MYOM1: variants seen among roughly 807,000 people sequenced by gnomAD.
MYOM1 encodes myomesin 1, also known as myomesin-1.
In MYOM1, 164 loss-of-function variants were observed where a neutral mutation model predicts 205.3. The ratio of observed to expected loss-of-function variants is 0.80; its 90% CI spans 0.70 to 0.91. MYOM1 has a LOEUF of 0.91. MYOM1 is among the 40% of genes least tolerant of loss of function. MYOM1 has a pLI of 0.00. For synonymous variants in MYOM1, 772 were observed against 789.4 expected (o/e 0.98, Z 0.37); for missense variants, 2,011 against 2,127.3 (o/e 0.95, Z 1.08).
At chr18:3,127,301 ATATATTTTTTTTT>A (rs2079804366) in intron 18 of MYOM1, among the ~76,000 whole-genome samples, 1 of 47,910 alleles carries the variant, frequency 2.1e-5, no homozygotes, top group African/African-American at 1.0e-4. Context: ...ATATATATAT[ATATATTTTTTTTT>A]TTTTTTTTTT....
intron 9 of MYOM1, among the ~76,000 whole-genome samples, chr18:3,167,038 G>A (rs994972696): frequency 1.1e-4 from 16 of 152,228 alleles, no homozygotes; most frequent in African/African-American, 3.4e-4. Context: ...ATGTATGTAC[G>A]GGCAAATTCA....
chr18:3,113,377 G>A (rs971888525), intron 21 of MYOM1, among the ~76,000 whole-genome samples: 3 of 151,682 alleles, frequency 2.0e-5, no homozygotes, highest in South Asian at 4.2e-4. Context: ...TTGCTCAGGC[G>A]GAGTACAGTG....
In MYOM1 at chr18:3,215,057, C is replaced by G; in HGVS notation, c.167G>C (p.Arg56Pro). The G allele has an allele frequency of 1.9e-6, 3 of 1,613,336 alleles. No homozygotes were observed. Among genetic ancestry groups the G allele is most frequent in the South Asian group, 1.1e-5 (1 of 91,042 alleles). ...CGCCCGACGGAAGGCCTCGGACTCCCGGCGGTGCGCGGCGGAGGAGCGGCT... is the reference window on the plus strand; with the variant it reads ...CGCCCGACGGAAGGCCTCGGACTCCGGGCGGTGCGCGGCGGAGGAGCGGCT... ...YSSRSSAAHR[R>P]ESEAFRRASA... The change falls in exon 2 of 38, where the codon CGG becomes CCG. Residue 56 changes from arginine to proline, a missense_variant. Coordinates refer to ENST00000356443, the MANE Select transcript of MYOM1 (RefSeq NM_003803.4).
chr18:3,159,642 T>C (rs907298269), intron 10 of MYOM1, among the ~76,000 whole-genome samples: 2 of 152,130 alleles, frequency 1.3e-5, no homozygotes, highest in South Asian at 4.1e-4. Flanking sequence ...ATCCATGTAT[T>C]GGAATGCAAT....
At chr18:3,147,165 A>G (rs1450653881) in intron 13 of MYOM1, among the ~76,000 whole-genome samples, 1 of 142,942 alleles carries the variant, frequency 7.0e-6, no homozygotes, top group Non-Finnish European at 1.5e-5. Flanking sequence ...ATAGAAATAT[A>G]TATATATAAA....
At chr18:3,227,261 C>T in the MYOM1 span, among the ~76,000 whole-genome samples, 1 of 151,964 alleles carries the variant, frequency 6.6e-6, no homozygotes, top group East Asian at 1.9e-4. Context: ...AAGGTATATA[C>T]ATACAATGGA....
At chr18:3,194,580 C>T (rs971986068) in intron 2 of MYOM1, among the ~76,000 whole-genome samples, 3 of 152,208 alleles carry the variant, frequency 2.0e-5, no homozygotes, top group African/African-American at 7.2e-5. Flanking sequence ...TACAAATGTG[C>T]ACTTGGAGGC....
intron 37 of MYOM1, among the ~76,000 whole-genome samples, chr18:3,071,059 T>C (rs1482899733): frequency 6.6e-6 from 1 of 151,810 alleles, no homozygotes; most frequent in Non-Finnish European, 1.5e-5. Flanking sequence ...GTGCCCGGCC[T>C]AGGGGCACAT....
chr18:3,234,357 G>T, the MYOM1 span, among the ~76,000 whole-genome samples: 2 of 152,264 alleles, frequency 1.3e-5, no homozygotes, highest in South Asian at 4.1e-4. Flanking sequence ...CACCGTACTA[G>T]GATGTTAAGC....
chr18:3,246,365 G>T, the MYOM1 span: 1 of 152,234 alleles, frequency 6.6e-6, no homozygotes, highest in African/African-American at 2.4e-5. Context: ...TACATGGATG[G>T]CTTCCCAGGA....
At chr18:3,239,846 G>C in the MYOM1 span, among the ~76,000 whole-genome samples, 1 of 150,300 alleles carries the variant, frequency 6.7e-6, no homozygotes, top group Admixed American at 6.6e-5. Context: ...GGGCCCACTT[G>C]AAGTCTGTGG....
chr18:3,212,244 T>C (rs1407720758), intron 2 of MYOM1, among the ~76,000 whole-genome samples: 2 of 152,180 alleles, frequency 1.3e-5, no homozygotes, highest in Admixed American at 1.3e-4. Context: ...CCATAATAAA[T>C]ACCTACCTAC....
intron 23 of MYOM1, among the ~76,000 whole-genome samples, chr18:3,100,971 A>C (rs922409530): frequency 6.6e-6 from 1 of 152,236 alleles, no homozygotes; most frequent in Non-Finnish European, 1.5e-5. Context: ...ATGTGTAATA[A>C]GTAAATGAAT....
At chr18:3,136,148 C>G (rs139186685) in intron 14 of MYOM1, among the ~76,000 whole-genome samples, 1 of 152,002 alleles carries the variant, frequency 6.6e-6, no homozygotes, top group Non-Finnish European at 1.5e-5. Flanking sequence ...CCGTGTAAGA[C>G]GTGCCTTTCG....
Position 3,132,118 on chromosome 18 carries a change from G to GTATATATATATATA in MYOM1, c.2385-636_2385-623dup, listed in dbSNP as rs1555621173. On this transcript the variant is annotated intron_variant, in intron 16 of 37. Transcript: ENST00000356443. ...TAAAATTATTATTATATATGTGTGT[G>GTATATATATATATA]TATATATATATATATATGAGTTATA... 2.6e-3 allele frequency among the ~76,000 whole-genome samples: 367 copies of GTATATATATATATA among 143,426 alleles called. 3 individuals carry two copies. The East Asian group carries it at 0.028, about 11-fold the overall frequency. The allele number at this position is 143,426 out of a possible 152,430, so 94.1% of individuals were successfully genotyped here. A position where few individuals can be genotyped will look rare whatever the true frequency, so the allele number is the denominator to read the frequency against.
chr18:3,228,964 C>T, the MYOM1 span, among the ~76,000 whole-genome samples: 6 of 152,216 alleles, frequency 3.9e-5, no homozygotes, highest in Non-Finnish European at 7.3e-5. The surrounding 1 kb of genome is among the most constrained non-coding windows in gnomAD (Gnocchi z 4.5). Flanking sequence ...CTACCCTGTC[C>T]GCAGTTGTCC....
chr18:3,225,506 G>T, the MYOM1 span, among the ~76,000 whole-genome samples: 14 of 152,276 alleles, frequency 9.2e-5, no homozygotes, highest in African/African-American at 3.4e-4. Flanking sequence ...AAGGAGGGGG[G>T]TAGCAAGTGG....
At chr18:3,136,139 C>T (rs1009894794) in intron 14 of MYOM1, among the ~76,000 whole-genome samples, 5 of 151,778 alleles carry the variant, frequency 3.3e-5, no homozygotes, top group South Asian at 2.1e-4. Flanking sequence ...TGCCTGCCAC[C>T]GTGTAAGACG....
intron 22 of MYOM1, among the ~76,000 whole-genome samples, chr18:3,111,535 A>G (rs953340845): frequency 2.6e-5 from 4 of 152,158 alleles, no homozygotes; most frequent in African/African-American, 9.7e-5. Context: ...AATCTGGCCC[A>G]TTACCTCTTT....
Sources: gnomAD v4.1 joint callset for allele counts (sites outside exome capture counted in the v4.1 genomes callset) on GRCh38, gnomAD v4.1.1 for gene constraint, Gnocchi (gnomAD v3.1) non-coding constraint, MANE v1.5 for transcripts, NCBI Gene and HGNC (gene_info 2026-07-23, HGNC 2026-07-21) for gene names.